RNF19A: variants seen among roughly 807,000 people sequenced by gnomAD.
The protein encoded by RNF19A is ring finger protein 19A, RBR E3 ubiquitin protein ligase.
Under a neutral mutation model 75.7 loss-of-function variants are expected in RNF19A, and 32 were observed. That is an observed-to-expected ratio of 0.42 (90% CI 0.32 to 0.57). The LOEUF (loss-of-function observed/expected upper bound fraction) is 0.57. Ranked by LOEUF, RNF19A falls within the 20% of genes least tolerant of loss-of-function variation. The probability of loss-of-function intolerance (pLI) is 0.10; values close to 1 mark genes in which losing one functional copy is unlikely to be tolerated. For missense variants in RNF19A, 782 were observed against 1,036.3 expected (o/e 0.75, Z 3.37); for synonymous variants, 335 against 345.2 (o/e 0.97, Z 0.33).
At chr8:100,277,217 A>C (rs1453150663) in intron 2 of RNF19A, among the ~76,000 whole-genome samples, 2 of 152,182 alleles carry the variant, frequency 1.3e-5, no homozygotes, top group Non-Finnish European at 2.9e-5. Flanking sequence ...ATTGTAACTG[A>C]GATTGCAATT....
intron 1 of RNF19A, among the ~76,000 whole-genome samples, chr8:100,299,561 A>G (rs1301294347): frequency 1.3e-5 from 2 of 152,308 alleles, no homozygotes; most frequent in East Asian, 3.9e-4. Flanking sequence ...GTAGTTCAAG[A>G]CCAGCCTGGC....
At chr8:100,292,438 GTGTGT>G (rs1563856917) in intron 1 of RNF19A, among the ~76,000 whole-genome samples, 8 of 143,256 alleles carry the variant, frequency 5.6e-5, no homozygotes, top group Non-Finnish European at 9.4e-5. Context: ...TCATATGGGT[GTGTGT>G]GTGTGTGTGT....
chr8:100,281,662 G>A (rs935647875), intron 2 of RNF19A, among the ~76,000 whole-genome samples: 4 of 152,130 alleles, frequency 2.6e-5, no homozygotes, highest in Non-Finnish European at 2.9e-5. Context: ...ATGTCACGTC[G>A]ATTAAAAGAG....
Position 100,335,123 on chromosome 8 carries a change from T to G in RNF19A, c.-243+985A>C, listed in dbSNP as rs1822662461. On this transcript the variant is annotated intron_variant, in intron 1 of 3. Coordinates refer to the RNF19A transcript ENST00000519527. The stretch of plus-strand genomic sequence containing the variant: ...TTACGTATATACAAATAGGAAAACC[T>G]CAACTATTATCAACCATTATAAAAA... 2.0e-5 allele frequency among the ~76,000 whole-genome samples: 3 copies of G among 152,198 alleles called. No homozygotes were observed. In the South Asian group the frequency reaches 6.2e-4, roughly 32 times the overall value.
chr8:100,278,226 T>C (rs1820616060), intron 2 of RNF19A, among the ~76,000 whole-genome samples: 5 of 152,248 alleles, frequency 3.3e-5, no homozygotes, highest in African/African-American at 2.4e-5. Context: ...CATGGCTGCT[T>C]TGATAACATT....
In RNF19A at chr8:100,322,235, A is replaced by G. The variant is rs547830627; in HGVS notation, c.-242-8863T>C. Among the ~76,000 whole-genome samples the G allele has an allele frequency of 1.1e-4, 16 of 152,296 alleles. No homozygotes were observed. The East Asian group carries it at 2.5e-3, about 24-fold the overall frequency. On this transcript the variant is annotated intron_variant, in intron 1 of 3. Transcript: ENST00000519527. The surrounding 1 kb of genome is among the most constrained non-coding windows in gnomAD (Gnocchi z 5.1). ...AGTCTATATTGAAAATCTGTTGTTT[A>G]GTATAGTCCCTTTTATTAATGATCT... is the stretch of plus-strand genomic sequence containing the variant.
In RNF19A at chr8:100,264,964, G is replaced by T. The variant is rs1819902262; in HGVS notation, c.1192-179C>A. On this transcript the variant is annotated intron_variant, in intron 5 of 9. Coordinates refer to ENST00000341084, the MANE Select transcript of RNF19A (RefSeq NM_183419.4). This position sits in a 1 kb window ranked among gnomAD's most constrained non-coding sequence, Gnocchi z 4.7. ...TATTATATATTCTCACAAATAATTT[G>T]CTCCTTATTAATTTGCTTAAGACAG... Among the ~76,000 whole-genome samples the T allele has an allele frequency of 6.6e-6, 1 of 152,118 alleles. No individual in the cohort carries two copies. Among genetic ancestry groups the T allele is most frequent in the Non-Finnish European group, 1.5e-5 (1 of 68,018 alleles).
chr8:100,264,813 G>T lies in RNF19A; in HGVS notation c.1192-28C>A. On this transcript the variant is annotated intron_variant, in intron 5 of 9. Transcript: ENST00000341084. This position sits in a 1 kb window ranked among gnomAD's most constrained non-coding sequence, Gnocchi z 4.7. ...TGAATTAATAAAAATAGGGGTGGGG[G>T]ATTAAAGAGAAAATACATTACAATT... is the stretch of plus-strand genomic sequence containing the variant. 1 of 1,459,950 alleles carries T rather than the reference G, an allele frequency of 6.8e-7. No individual in the cohort carries two copies. Among genetic ancestry groups the T allele is most frequent in the Non-Finnish European group, 9.6e-7 (1 of 1,041,362 alleles). The allele number at this position is 1,459,950 out of a possible 1,614,324, so 90.4% of individuals were successfully genotyped here.
At position 100,288,072 on chromosome 8, in the gene RNF19A, G is replaced by A; in HGVS notation, c.103C>T (p.His35Tyr). ...ILTSILDMSLHRQMGSDRDLQ... is the reference protein window; with the variant it reads ...ILTSILDMSLYRQMGSDRDLQ... The stretch of plus-strand genomic sequence containing the variant: ...TCTCGATCTGAACCCATTTGCCGAT[G>A]TAAACTCATGTCTAAAATGCTTGTT... The change falls in exon 2 of 10, where the codon CAT (histidine) becomes TAT (tyrosine). Residue 35 changes from histidine to tyrosine, a missense_variant. Physicochemically the swap from His to Tyr is moderately conservative, Grantham distance 83. Around this residue, in one of 7 missense-constraint regions of RNF19A, gnomAD observed 148 missense variants for 147.9 expected, o/e 1.00. Coordinates refer to ENST00000341084, the MANE Select transcript of RNF19A (RefSeq NM_183419.4). 6.2e-7 allele frequency: 1 copy of A among 1,614,144 alleles called. No individual in the cohort carries two copies. The highest frequency in any genetic ancestry group is 1.3e-5 in the African/African-American group (1 of 75,022).
chr8:100,264,672 T>C lies in RNF19A; in HGVS notation c.1305A>G (p.Val435=). The C allele has an allele frequency of 6.3e-7, 1 of 1,597,518 alleles. No homozygotes were observed. Among genetic ancestry groups the C allele is most frequent in the Non-Finnish European group, 8.6e-7 (1 of 1,166,682 alleles). Residue 435 remains valine, a splice_region_variant and synonymous_variant, in exon 6 of 10, where the codon GTA becomes GTG. Coordinates refer to ENST00000341084, the MANE Select transcript of RNF19A (RefSeq NM_183419.4). This position sits in a 1 kb window ranked among gnomAD's most constrained non-coding sequence, Gnocchi z 4.7. ...TAGTACTTTTCAGCATTTTCTTACC[T>C]ACAGTCACTGCAGCTACTACTGGAG... is the stretch of plus-strand genomic sequence containing the variant. ...IVSPVVAAVT[V]GIGVPIMLAY... is the part of the protein sequence containing the mutation.
At position 100,329,792 on chromosome 8, in the gene RNF19A, T is replaced by C. The variant is rs1473830996; in HGVS notation, c.-243+6316A>G. Among the ~76,000 whole-genome samples the C allele has an allele frequency of 2.2e-4, 33 of 152,184 alleles. No homozygotes were observed. The highest frequency in any genetic ancestry group is 2.1e-3 in the Admixed American group (32 of 15,280). On this transcript the variant is annotated intron_variant, in intron 1 of 3. Coordinates refer to the RNF19A transcript ENST00000519527. This position sits in a 1 kb window ranked among gnomAD's most constrained non-coding sequence, Gnocchi z 4.3. ...AAGAAGTAGCTTCATGGTTTGTTAA[T>C]CCAGAGGGCAAACTGAGTACTAGAT...
rs888784596 is a variant in RNF19A at position 100,275,373 on chromosome 8, A to G, written c.675-212T>C. On this transcript the variant is annotated intron_variant, in intron 2 of 9. Coordinates refer to ENST00000341084, the MANE Select transcript of RNF19A (RefSeq NM_183419.4). This position sits in a 1 kb window ranked among gnomAD's most constrained non-coding sequence, Gnocchi z 4.3. ...TGGTGTAAAATATTTTAAAAGTTCA[A>G]TTTTTAACTTTCAGGGTTTTTTTTT... Among the ~76,000 whole-genome samples, 3 of 152,024 alleles carry G rather than the reference A, an allele frequency of 2.0e-5. No homozygotes were observed. The highest frequency in any genetic ancestry group is 6.6e-5 in the Admixed American group (1 of 15,262).
At chr8:100,293,597 C>G (rs375795636) in intron 1 of RNF19A, among the ~76,000 whole-genome samples, 13 of 152,258 alleles carry the variant, frequency 8.5e-5, no homozygotes, top group African/African-American at 2.4e-4. Context: ...TTGTCTCTAT[C>G]CTGCTTGGGG....
rs543351210 is a variant in RNF19A at position 100,259,114 on chromosome 8, C to G, written c.1959G>C (p.Leu653Phe). Residue 653 changes from leucine (L) to phenylalanine (F), a missense_variant, in exon 10 of 10, where the codon TTG (leucine) becomes TTC (phenylalanine). This residue lies in a region of RNF19A where 442 missense variants were observed against 541.6 expected (regional missense o/e 0.82). Transcript: ENST00000341084. This position sits in a 1 kb window ranked among gnomAD's most constrained non-coding sequence, Gnocchi z 4.5. Reference protein sequence around the residue: ...RSHAGGSSSGLPEGKSSATKW... With the variant: ...RSHAGGSSSGFPEGKSSATKW... ...TGGTGGCACTAGATTTACCTTCAGG[C>G]AAGCCACTGGATGAACCGCCAGCAT... The G allele has an allele frequency of 6.2e-7, 1 of 1,614,058 alleles. No homozygotes were observed. Among genetic ancestry groups the G allele is most frequent in the Non-Finnish European group, 8.5e-7 (1 of 1,180,046 alleles).
At chr8:100,302,572 G>T (rs1356650908) in intron 1 of RNF19A, among the ~76,000 whole-genome samples, 6 of 152,206 alleles carry the variant, frequency 3.9e-5, no homozygotes, top group Admixed American at 3.9e-4. Context: ...GCCTAGAGAT[G>T]TAAATTTTGG....
At chr8:100,274,293 C>A (rs748804070) in intron 3 of RNF19A, among the ~76,000 whole-genome samples, 1 of 152,192 alleles carries the variant, frequency 6.6e-6, no homozygotes, top group African/African-American at 2.4e-5. Context: ...ATGGCTACTG[C>A]TGACTCTTCA....
chr8:100,267,099 C>T (rs1025821288), intron 5 of RNF19A, among the ~76,000 whole-genome samples: 1 of 152,122 alleles, frequency 6.6e-6, no homozygotes, highest in African/African-American at 2.4e-5. Context: ...AGCCATTTTA[C>T]AACAGAATGG....
intron 5 of RNF19A, among the ~76,000 whole-genome samples, chr8:100,266,187 CT>C (rs1398305383): frequency 1.3e-5 from 2 of 152,160 alleles, no homozygotes; most frequent in African/African-American, 4.8e-5. Flanking sequence ...GAAGGCTCAG[CT>C]TTTGGGTACT....
upstream of RNF19A, among the ~76,000 whole-genome samples, chr8:100,310,710 A>G (rs575152124): frequency 6.6e-6 from 1 of 152,264 alleles, no homozygotes; most frequent in South Asian, 2.1e-4. Flanking sequence ...CCACAATAGC[A>G]AGCCTACGTG....
Sources: allele counts gnomAD v4.1 joint callset (sites outside exome capture counted in the v4.1 genomes callset), GRCh38; gene constraint gnomAD v4.1.1; regional missense constraint gnomAD v4.1.1; non-coding constraint Gnocchi (gnomAD v3.1); transcripts MANE v1.5; gene names NCBI Gene and HGNC (gene_info 2026-07-23, HGNC 2026-07-21).